The following CLEC16A variants were observed in gnomAD, a reference collection of about 807,000 sequenced individuals.
The protein encoded by CLEC16A is protein CLEC16A.
Under a neutral mutation model 109.5 loss-of-function variants are expected in CLEC16A, and 51 were observed. The ratio of observed to expected loss-of-function variants is 0.47; its 90% CI spans 0.37 to 0.59. The LOEUF is 0.59. Among genes scored for constraint, CLEC16A ranks in the 20% least tolerant of loss-of-function variants. The pLI, the probability that CLEC16A is intolerant of heterozygous loss-of-function variation, is 0.00. For synonymous variants in CLEC16A, 673 were observed against 564.2 expected (o/e 1.19, Z -2.73); for missense variants, 1,339 against 1,394.0 (o/e 0.96, Z 0.63).
chr16:11,062,945 G>A (rs1205369226), intron 19 of CLEC16A, among the ~76,000 whole-genome samples: 1 of 152,146 alleles, frequency 6.6e-6, no homozygotes, highest in Non-Finnish European at 1.5e-5. Flanking sequence ...CAGCAAGAAT[G>A]TTTGCATCCG....
At chr16:11,124,045 A>C in intron 21 of CLEC16A, 99 bp downstream of exon 21, 1 of 1,040,440 alleles carries the variant, frequency 9.6e-7, no homozygotes, top group Non-Finnish European at 1.4e-6. Flanking sequence ...ATAGCATAGA[A>C]GAAGACACGT....
chr16:11,033,434 G>A (rs927087534), intron 13 of CLEC16A, among the ~76,000 whole-genome samples: 2 of 152,164 alleles, frequency 1.3e-5, no homozygotes, highest in South Asian at 2.1e-4. Context: ...GTTCAAGTCC[G>A]GTGCCCTGAG....
At position 10,944,643 on chromosome 16, in the gene CLEC16A, A is replaced by AC; in HGVS notation, c.-73dup. 1.4e-6 allele frequency: 2 copies of AC among 1,409,228 alleles called. No homozygotes were observed. The highest frequency in any genetic ancestry group is 1.9e-6 in the Non-Finnish European group (2 of 1,026,206). 87.3% of individuals were successfully genotyped at this position (1,409,228 alleles called of 1,614,324 possible). A position where few individuals can be genotyped will look rare whatever the true frequency, so the allele number is the denominator to read the frequency against. ...CGCCGCCGCATCCTCCGCTTGTGCT[A>AC]CCGCCGCGGGCGCTGGGCCGCTCTG... On this transcript the variant is annotated 5_prime_UTR_variant, in exon 1 of 24. Coordinates refer to ENST00000409790, the MANE Select transcript of CLEC16A (RefSeq NM_015226.3).
At chr16:11,019,664 G>A (rs2045977699) in intron 11 of CLEC16A, among the ~76,000 whole-genome samples, 1 of 152,032 alleles carries the variant, frequency 6.6e-6, no homozygotes, top group African/African-American at 2.4e-5. Flanking sequence ...AGCTACTCAG[G>A]AGGCTGAGAC....
chr16:10,977,252 T>C lies in CLEC16A; in HGVS notation c.756T>C (p.Asp252=). Residue 252 remains aspartate (D), a synonymous_variant, in exon 8 of 24, where the codon GAT becomes GAC. Coordinates refer to ENST00000409790, the MANE Select transcript of CLEC16A (RefSeq NM_015226.3). The part of the protein sequence containing the change: ...EEHRNRGKLS[D]LVAEHLDHLH... The stretch of plus-strand genomic sequence containing the variant: ...ATCGGAATCGGGGTAAACTGAGTGA[T>C]CTGGTGGCAGAGCACCTAGACCACC... The C allele has an allele frequency of 6.2e-7, 1 of 1,613,952 alleles. No individual in the cohort carries two copies. The highest frequency in any genetic ancestry group is 8.5e-7 in the Non-Finnish European group (1 of 1,179,868).
intron 21 of CLEC16A, among the ~76,000 whole-genome samples, chr16:11,124,409 T>C (rs2052650010): frequency 6.6e-6 from 1 of 152,198 alleles, no homozygotes; most frequent in Non-Finnish European, 1.5e-5. Context: ...TACTGTAAAC[T>C]TACCCCTTCC....
Position 10,982,870 on chromosome 16 carries a change from T to C in CLEC16A, c.958-8T>C. 1.3e-6 allele frequency: 2 copies of C among 1,530,160 alleles called. No individual in the cohort carries two copies. Among genetic ancestry groups the C allele is most frequent in the Middle Eastern group, 1.7e-4 (1 of 5,890 alleles). The allele number at this position is 1,530,160 out of a possible 1,614,324, so 94.8% of individuals were successfully genotyped here. A position where few individuals can be genotyped will look rare whatever the true frequency, so the allele number is the denominator to read the frequency against. On this transcript the variant is annotated splice_polypyrimidine_tract_variant and splice_region_variant and intron_variant, in intron 9 of 23. Transcript: ENST00000409790. Reference sequence around the variant, plus strand: ...TCATGCAAATCCCGTTTCTTTTTTTTCCGCCAGGTCTTCTTAATTATACAT... The same window carrying C: ...TCATGCAAATCCCGTTTCTTTTTTTCCCGCCAGGTCTTCTTAATTATACAT...
In CLEC16A at chr16:11,180,108, G is replaced by C. The variant is rs1424860662; in HGVS notation, c.*1418G>C. The C allele has an allele frequency of 2.0e-5, 3 of 152,284 alleles. No individual in the cohort carries two copies. Among genetic ancestry groups the C allele is most frequent in the Admixed American group, 1.3e-4 (2 of 15,280 alleles). 9.4% of individuals were successfully genotyped at this position (152,284 alleles called of 1,614,324 possible). ...CACCAGGGGCATTAGGTATCCGCCG[G>C]AGCCTGGCCATAGGGTAGTCTCGGG... On this transcript the variant is annotated 3_prime_UTR_variant, in exon 24 of 24. Coordinates refer to ENST00000409790, the MANE Select transcript of CLEC16A (RefSeq NM_015226.3).
chr16:11,146,582 G>A (rs566189837), intron 22 of CLEC16A, among the ~76,000 whole-genome samples: 7 of 151,354 alleles, frequency 4.6e-5, no homozygotes, highest in African/African-American at 1.7e-4. Flanking sequence ...GGGATGGATG[G>A]ATGTAGAGGG....
intron 18 of CLEC16A, chr16:11,056,923 A>G (rs2048242447): frequency 1.3e-5 from 2 of 152,202 alleles, no homozygotes; most frequent in South Asian, 4.1e-4. Context: ...CACAGTTTAA[A>G]TAAGTCTCAT....
chr16:11,019,769 C>CAA (rs59863035), intron 11 of CLEC16A, among the ~76,000 whole-genome samples: 951 of 81,116 alleles, frequency 0.012, 19 homozygotes, highest in African/African-American at 0.04. Flanking sequence ...GACTCTGTCT[C>CAA]AAAAAAAAAA....
chr16:10,983,065 A>G lies in CLEC16A; in HGVS notation c.1071+74A>G, dbSNP rs561553287. On this transcript the variant is annotated intron_variant, in intron 10 of 23. Coordinates refer to ENST00000409790, the MANE Select transcript of CLEC16A (RefSeq NM_015226.3). ...TTTGCTAATCTGTGTGTTTCTCTAA[A>G]ATCAGAAACTAACATTCTGAATATA... 108 of 829,666 alleles carry G rather than the reference A, an allele frequency of 1.3e-4. 5 individuals are homozygous for G. In the South Asian group the frequency reaches 1.5e-3, roughly 12 times the overall value. The allele number at this position is 829,666 out of a possible 1,614,324, so 51.4% of individuals were successfully genotyped here.
intron 11 of CLEC16A, among the ~76,000 whole-genome samples, chr16:11,013,944 AAAGAAGAAG>A (rs554993853): frequency 3.3e-5 from 5 of 151,468 alleles, no homozygotes; most frequent in African/African-American, 7.3e-5. Flanking sequence ...GTCTCAAAAA[AAAGAAGAAG>A]AAGAAGAAGA....
At chr16:10,958,293 G>T (rs1385377036) in intron 2 of CLEC16A, among the ~76,000 whole-genome samples, 1 of 152,162 alleles carries the variant, frequency 6.6e-6, no homozygotes, top group East Asian at 1.9e-4. Flanking sequence ...TGATGACCAG[G>T]CACAGGGCTG....
At chr16:11,031,207 A>G (rs140406872) in intron 13 of CLEC16A, among the ~76,000 whole-genome samples, 41 of 152,274 alleles carry the variant, frequency 2.7e-4, no homozygotes, top group African/African-American at 8.7e-4. Context: ...CTGCTCAGCT[A>G]TGTGGCACGT....
chr16:11,176,399 ATC>A (rs147056708), intron 23 of CLEC16A, among the ~76,000 whole-genome samples: 90 of 149,918 alleles, frequency 6.0e-4, no homozygotes, highest in African/African-American at 1.3e-3. Flanking sequence ...TTTCCTCTAG[ATC>A]TCTCTCTCTC....
rs1040897397 is a variant in CLEC16A at position 11,166,339 on chromosome 16, C to G, written c.2642-49C>G. The G allele has an allele frequency of 2.0e-6, 3 of 1,538,358 alleles. No individual in the cohort carries two copies. In the East Asian group the frequency reaches 7.1e-5, roughly 37 times the overall value. ...AGTGGAACCATGACATTGAGGCCCT[C>G]AGGCCTACTCTTTGCTTCCACTTGG... On this transcript the variant is annotated intron_variant, in intron 22 of 23. Transcript: ENST00000409790.
At chr16:11,004,274 C>A (rs1413634191) in intron 11 of CLEC16A, among the ~76,000 whole-genome samples, 1 of 152,184 alleles carries the variant, frequency 6.6e-6, no homozygotes, top group Non-Finnish European at 1.5e-5. Context: ...GGGCCAGGCT[C>A]ACAGCCACAC....
intron 22 of CLEC16A, chr16:11,157,002 A>C (rs945584029): frequency 8.1e-7 from 1 of 1,227,232 alleles, no homozygotes; most frequent in African/African-American, 1.6e-5. Context: ...CCCGACAGCA[A>C]AAACATTTCT....
Sources: gnomAD v4.1 joint callset for allele counts (sites outside exome capture counted in the v4.1 genomes callset) on GRCh38, gnomAD v4.1.1 for gene constraint, MANE v1.5 for transcripts, NCBI Gene and HGNC (gene_info 2026-07-23, HGNC 2026-07-21) for gene names.